Variants in ZFHX4 observed in about 807,000 individuals in gnomAD.
The protein encoded by ZFHX4 is zinc finger homeobox 4.
In ZFHX4, 56 loss-of-function variants were observed where a neutral mutation model predicts 267.6. The observed-to-expected ratio is 0.21, with a 90% confidence interval of 0.17 to 0.26. ZFHX4 has a LOEUF of 0.26. Ranked by LOEUF, ZFHX4 falls within the 10% of genes least tolerant of loss-of-function variation. The pLI, the probability that ZFHX4 is intolerant of heterozygous loss-of-function variation, is 1.00. For synonymous variants in ZFHX4, 1,778 were observed against 1,665.6 expected (o/e 1.07, Z -1.64); for missense variants, 4,332 against 4,420.0 (o/e 0.98, Z 0.56).
intron 3 of ZFHX4, among the ~76,000 whole-genome samples, chr8:76,719,149 CAT>C (rs1491397252): frequency 6.2e-5 from 7 of 112,184 alleles, no homozygotes; most frequent in South Asian, 5.8e-4. Flanking sequence ...GGATGAATTG[CAT>C]GTGTGTGTGT....
chr8:76,805,351 A>G (rs1374300155), intron 4 of ZFHX4, among the ~76,000 whole-genome samples: 1 of 152,148 alleles, frequency 6.6e-6, no homozygotes, highest in African/African-American at 2.4e-5. Flanking sequence ...GTAAAGGATA[A>G]AGGGAAAAAT....
intron 3 of ZFHX4, among the ~76,000 whole-genome samples, chr8:76,762,049 C>T (rs1809927596): frequency 6.6e-6 from 1 of 152,126 alleles, no homozygotes; most frequent in Admixed American, 6.5e-5. Flanking sequence ...CTCTGGAGGA[C>T]AGCCAGTAGT....
chr8:76,808,558 C>T (rs148456820), intron 4 of ZFHX4, among the ~76,000 whole-genome samples: 58 of 152,202 alleles, frequency 3.8e-4, no homozygotes, highest in African/African-American at 1.3e-3. Flanking sequence ...TTAAGTGTAT[C>T]GATAAATGTA....
chr8:76,792,798 T>C (rs1172306205), intron 4 of ZFHX4, among the ~76,000 whole-genome samples: 1 of 152,162 alleles, frequency 6.6e-6, no homozygotes, highest in African/African-American at 2.4e-5. Flanking sequence ...TTTTCCAGCT[T>C]CTCCATCTGC....
rs1812830500 is a variant in ZFHX4, at chr8:76,860,176, T to G, written c.9380-2918T>G. ...CTACTGATATTTTTACTGCAAATTTTTATAGGCTTATTTATCTTACTAGTA... is the reference window on the plus strand; with the variant it reads ...CTACTGATATTTTTACTGCAAATTTGTATAGGCTTATTTATCTTACTAGTA... On this transcript the variant is annotated intron_variant, in intron 10 of 10. Coordinates refer to ENST00000651372, the MANE Select transcript of ZFHX4 (RefSeq NM_024721.5). 3.9e-5 allele frequency among the ~76,000 whole-genome samples: 6 copies of G among 152,138 alleles called. No homozygotes were observed. In the South Asian group the frequency reaches 1.2e-3, roughly 31 times the overall value.
Position 76,863,512 on chromosome 8 carries a change from T to C in ZFHX4, c.9798T>C (p.Phe3266=). The change falls in exon 11 of 11, where the codon TTT becomes TTC. Residue 3266 remains phenylalanine (F), a synonymous_variant. Coordinates refer to ENST00000651372, the MANE Select transcript of ZFHX4 (RefSeq NM_024721.5). ...TAGGCGGACAGTTCTTGCCATACTT[T>C]ATCCCTGGGTTTGCTTCTTATTTTA... The part of the protein sequence containing the change: ...SFIGGQFLPY[F]IPGFASYFTP... 2 of 1,613,568 alleles carry C rather than the reference T, an allele frequency of 1.2e-6. No homozygotes were observed.
Position 76,851,362 on chromosome 8 carries a change from C to G in ZFHX4, c.4441C>G (p.His1481Asp). ...GAGCGAAACTATGTCCCAGGATGAC[C>G]ATGGCCTAGAGCAGGAAATGGAGAG... is the stretch of plus-strand genomic sequence containing the variant. ...AESETMSQDDHGLEQEMEREY... is the reference protein window; with the variant it reads ...AESETMSQDDDGLEQEMEREY... Residue 1481 changes from histidine to aspartate, a missense_variant, in exon 10 of 11, where the codon CAT becomes GAT. Coordinates refer to ENST00000651372, the MANE Select transcript of ZFHX4 (RefSeq NM_024721.5). The G allele has an allele frequency of 6.2e-7, 1 of 1,613,824 alleles. No individual in the cohort carries two copies. Among genetic ancestry groups the G allele is most frequent in the Non-Finnish European group, 8.5e-7 (1 of 1,179,848 alleles).
chr8:76,842,639 C>G lies in ZFHX4; in HGVS notation c.3395-16C>G, dbSNP rs1812265099. The G allele has an allele frequency of 3.9e-6, 6 of 1,542,368 alleles. No individual in the cohort carries two copies. The highest frequency in any genetic ancestry group is 1.4e-5 in the African/African-American group (1 of 72,602). The stretch of plus-strand genomic sequence containing the variant: ...GCGGTTTTCAGTTCTACTGATTGGT[C>G]TGCCTTTCTTAACAGAAGAACAAAG... On this transcript the variant is annotated splice_polypyrimidine_tract_variant and intron_variant, in intron 5 of 10. Coordinates refer to ENST00000651372, the MANE Select transcript of ZFHX4 (RefSeq NM_024721.5).
intron 3 of ZFHX4, among the ~76,000 whole-genome samples, chr8:76,754,703 C>A (rs569269796): frequency 6.6e-6 from 1 of 152,050 alleles, no homozygotes; most frequent in Non-Finnish European, 1.5e-5. Context: ...GTGTTGAGAA[C>A]GTTCAAAATC....
chr8:76,852,598 C>A lies in ZFHX4; in HGVS notation c.5677C>A (p.Pro1893Thr). The change falls in exon 10 of 11, where the codon CCA becomes ACA. Residue 1893 changes from proline to threonine, a missense_variant. Transcript: ENST00000651372. ...KDTKKQKSLEPSIPPPRIASG... is the reference protein window; with the variant it reads ...KDTKKQKSLETSIPPPRIASG... The stretch of plus-strand genomic sequence containing the variant: ...CACAAAGAAGCAAAAATCCTTGGAA[C>A]CATCCATCCCACCACCCCGAATAGC... 6.2e-7 allele frequency: 1 copy of A among 1,612,036 alleles called. No individual in the cohort carries two copies. The highest frequency in any genetic ancestry group is 8.5e-7 in the Non-Finnish European group (1 of 1,178,864).
intron 4 of ZFHX4, among the ~76,000 whole-genome samples, chr8:76,806,378 A>C (rs1411778812): frequency 6.6e-6 from 1 of 152,104 alleles, no homozygotes; most frequent in African/African-American, 2.4e-5. Flanking sequence ...TTACTAAAGT[A>C]GTCAACATTC....
intron 5 of ZFHX4, among the ~76,000 whole-genome samples, chr8:76,835,276 T>TATATATATA (rs1554572221): frequency 6.8e-6 from 1 of 146,490 alleles, no homozygotes; most frequent in African/African-American, 2.5e-5. Context: ...CATATATTTG[T>TATATATATA]TAAAAATGGC....
intron 3 of ZFHX4, among the ~76,000 whole-genome samples, chr8:76,713,284 G>T (rs1426333857): frequency 7.5e-6 from 1 of 133,122 alleles, no homozygotes; most frequent in Non-Finnish European, 1.6e-5. Flanking sequence ...TAGATAGAAA[G>T]ATAGATAGAT....
rs752094624 is a variant in ZFHX4, at chr8:76,853,355, G to A, written c.6434G>A (p.Arg2145Lys). Residue 2145 changes from arginine (R) to lysine (K), a missense_variant, in exon 10 of 11, where the codon AGG (arginine) becomes AAG (lysine). Physicochemically the swap from Arg to Lys is conservative, Grantham distance 26 (BLOSUM62 2). This residue lies in a region of ZFHX4 where 48 missense variants were observed against 95.4 expected (regional missense o/e 0.50). Transcript: ENST00000651372. ...ACAGATGATCAGCTAAAAATCCTGA[G>A]GGCTTATTTTGACATTAATAATTCT... ...RITDDQLKIL[R>K]AYFDINNSPS... The A allele has an allele frequency of 6.2e-6, 10 of 1,613,656 alleles. No individual in the cohort carries two copies. The East Asian group carries it at 2.2e-4, about 36-fold the overall frequency.
chr8:76,688,728 G>T (rs1807752922), intron 1 of ZFHX4, among the ~76,000 whole-genome samples: 1 of 152,072 alleles, frequency 6.6e-6, no homozygotes, highest in Non-Finnish European at 1.5e-5. Context: ...CAAATGCAGT[G>T]CAGATAATTA....
intron 4 of ZFHX4, among the ~76,000 whole-genome samples, chr8:76,795,704 G>A (rs569871238): frequency 1.4e-4 from 22 of 151,788 alleles, no homozygotes; most frequent in Non-Finnish European, 5.9e-5. Flanking sequence ...CACCACACCC[G>A]GCTAATCTTG....
intron 3 of ZFHX4, among the ~76,000 whole-genome samples, chr8:76,769,884 T>C (rs1450843156): frequency 6.6e-6 from 1 of 152,184 alleles, no homozygotes; most frequent in African/African-American, 2.4e-5. Context: ...TACTACTGTT[T>C]GTTCAAAGTA....
Position 76,855,361 on chromosome 8 carries a change from A to T in ZFHX4, c.8440A>T (p.Thr2814Ser). 6.2e-7 allele frequency: 1 copy of T among 1,613,814 alleles called. No individual in the cohort carries two copies. Among genetic ancestry groups the T allele is most frequent in the Non-Finnish European group, 8.5e-7 (1 of 1,179,854 alleles). The change falls in exon 10 of 11, where the codon ACC becomes TCC. Residue 2814 changes from threonine (T) to serine (S), a missense_variant. Thr to Ser is a moderately conservative substitution (Grantham distance 58, BLOSUM62 1). This residue lies in a region of ZFHX4 where 1,648 missense variants were observed against 1,625.0 expected (regional missense o/e 1.01). Coordinates refer to ENST00000651372, the MANE Select transcript of ZFHX4 (RefSeq NM_024721.5). The part of the protein sequence containing the change: ...SSINTAISDA[T>S]TGDEGNTEME... ...GATTAATACGGCAATCAGTGACGCCACCACCGGAGACGAGGGAAACACTGA... is the reference window on the plus strand; with the variant it reads ...GATTAATACGGCAATCAGTGACGCCTCCACCGGAGACGAGGGAAACACTGA...
In ZFHX4 at chr8:76,708,180, C is replaced by T; in HGVS notation, c.3093+132C>T. 3 of 1,088,594 alleles carry T rather than the reference C, an allele frequency of 2.8e-6. No homozygotes were observed. In the Admixed American group the frequency reaches 6.4e-5, roughly 23 times the overall value. 67.4% of individuals were successfully genotyped at this position (1,088,594 alleles called of 1,614,324 possible). On this transcript the variant is annotated intron_variant, in intron 3 of 10. Transcript: ENST00000651372. ...CATCAAAGGGCAGGGGGCACAGTTT[C>T]TGATTAACATTATAAAAACATATTG...
Sources: gnomAD v4.1 joint callset for allele counts (sites outside exome capture counted in the v4.1 genomes callset) on GRCh38, gnomAD v4.1.1 for gene constraint, gnomAD v4.1.1 regional missense constraint, MANE v1.5 for transcripts, NCBI Gene and HGNC (gene_info 2026-07-23, HGNC 2026-07-21) for gene names.